Variants in MDM1 observed in about 807,000 individuals in gnomAD.
MDM1 encodes Mdm1 nuclear protein.
A neutral mutation model predicts 89.1 loss-of-function variants in MDM1; 61 were observed. The ratio of observed to expected loss-of-function variants is 0.68; its 90% confidence interval spans 0.56 to 0.85. The LOEUF is 0.85. Ranked by LOEUF, MDM1 falls within the 40% of genes least tolerant of loss-of-function variation. MDM1 has a pLI of 0.00. For synonymous variants in MDM1, 290 were observed against 294.1 expected (o/e 0.99, Z 0.14); for missense variants, 820 against 846.5 (o/e 0.97, Z 0.39).
At chr12:68,316,036 G>C in intron 9 of MDM1, 42 bp downstream of exon 9, 1 of 1,550,732 alleles carries the variant, frequency 6.4e-7, no homozygotes, top group African/African-American at 1.4e-5. Flanking sequence ...ATCTACATAA[G>C]CTTCAACAAA....
At chr12:68,327,314 T>C in intron 2 of MDM1, 3 of 1,460,870 alleles carry the variant, frequency 2.1e-6, no homozygotes, top group Non-Finnish European at 2.7e-6. Context: ...AATTGCAACG[T>C]GATAGACCTG....
chr12:68,326,664 T>C lies in MDM1; in HGVS notation c.491A>G (p.Asp164Gly), dbSNP rs1419277180. ...HSTKVLSENVDNGLDRLLRKK... is the reference protein window; with the variant it reads ...HSTKVLSENVGNGLDRLLRKK... ...TGCAGTGAATATGCCTACCCCATTATCTACATTTTCTGAAAGAACCTTGGT... is the reference window on the plus strand; with the variant it reads ...TGCAGTGAATATGCCTACCCCATTACCTACATTTTCTGAAAGAACCTTGGT... Residue 164 changes from aspartate to glycine, a missense_variant, in exon 3 of 15, where the codon GAT becomes GGT. Physicochemically the swap from Asp to Gly is moderately conservative, Grantham distance 94 (BLOSUM62 -1). Transcript: ENST00000682720. 1 of 1,614,188 alleles carries C rather than the reference T, an allele frequency of 6.2e-7. No homozygotes were observed. The highest frequency in any genetic ancestry group is 1.1e-5 in the South Asian group (1 of 91,078).
chr12:68,327,323 T>G, intron 2 of MDM1: 1 of 1,473,742 alleles, frequency 6.8e-7, no homozygotes, highest in Non-Finnish European at 9.0e-7. Context: ...GTGATAGACC[T>G]GGCAGGCCAG....
intron 12 of MDM1, among the ~76,000 whole-genome samples, chr12:68,312,577 C>T (rs1873838914): frequency 6.6e-6 from 1 of 152,180 alleles, no homozygotes; most frequent in Non-Finnish European, 1.5e-5. Context: ...TCTTGCTCTA[C>T]TACTACCTAT....
chr12:68,297,135 T>G (rs1294073417), intron 13 of MDM1, among the ~76,000 whole-genome samples, 153 bp from the exon 14 acceptor site: 1 of 152,300 alleles, frequency 6.6e-6, no homozygotes, highest in Admixed American at 6.5e-5. Flanking sequence ...ATGAAAAAGA[T>G]TTTATTAATT....
chr12:68,300,620 T>C (rs541974141), intron 13 of MDM1, among the ~76,000 whole-genome samples: 79 of 152,342 alleles, frequency 5.2e-4, no homozygotes, highest in African/African-American at 1.8e-3. Context: ...CAGTCAGTCC[T>C]ACATTTATAT....
chr12:68,304,260 A>T (rs192785529), intron 12 of MDM1, among the ~76,000 whole-genome samples: 1,881 of 152,208 alleles, frequency 0.012, 43 homozygotes, highest in African/African-American at 0.043. Context: ...TTAAAAAAAA[A>T]ATTAAATTAA....
chr12:68,305,963 AG>A (rs1555196611), intron 12 of MDM1, among the ~76,000 whole-genome samples: 1 of 151,138 alleles, frequency 6.6e-6, no homozygotes, highest in Non-Finnish European at 1.5e-5. Flanking sequence ...AAAAAAAAAA[AG>A]GAAAAAAAAA....
intron 14 of MDM1, among the ~76,000 whole-genome samples, chr12:68,295,598 T>C (rs1206642326): frequency 2.0e-5 from 3 of 152,190 alleles, no homozygotes; most frequent in Non-Finnish European, 4.4e-5. Flanking sequence ...TTAACATTTA[T>C]CGTTAAATTT....
chr12:68,326,843 TTGAG>T lies in MDM1; in HGVS notation c.308_311del (p.Thr103LysfsTer7). 6.2e-7 allele frequency: 1 copy of T among 1,613,992 alleles called. No homozygotes were observed. The highest frequency in any genetic ancestry group is 8.5e-7 in the Non-Finnish European group (1 of 1,179,876). On this transcript the variant is annotated frameshift_variant, in exon 3 of 15. Transcript: ENST00000682720. LOFTEE classifies it high-confidence loss of function. ...AAGCTTCTAGTGAGTGAACTCTTTC[TTGAG>T]TAACATCCTTTTGTTCTGCTTCTTG...
At chr12:68,332,153 G>A (rs535269260) in intron 1 of MDM1, 75 bp downstream of exon 1, 1 of 1,500,382 alleles carries the variant, frequency 6.7e-7, no homozygotes, top group Non-Finnish European at 9.0e-7. Flanking sequence ...GAAAAGCAGC[G>A]TGACCTCGGC....
chr12:68,322,638 A>C (rs1759813344), intron 5 of MDM1, among the ~76,000 whole-genome samples: 1 of 152,234 alleles, frequency 6.6e-6, no homozygotes, highest in African/African-American at 2.4e-5. Flanking sequence ...TGTCTCGAAA[A>C]AAATAAATAA....
In MDM1 at chr12:68,296,907, G is replaced by C. The variant is rs1871471971; in HGVS notation, c.2062+16C>G. The C allele has an allele frequency of 6.4e-7, 1 of 1,564,682 alleles. No homozygotes were observed. Among genetic ancestry groups the C allele is most frequent in the African/African-American group, 1.4e-5 (1 of 72,248 alleles). ...ACTAGAACTCAAACTTTTATGTTAT[G>C]TGACTACTGAAATACCTTCATCATT... On this transcript the variant is annotated intron_variant, in intron 14 of 14. Transcript: ENST00000682720.
chr12:68,323,713 G>A lies in MDM1; in HGVS notation c.634-473C>T, dbSNP rs532743738. ...TCTGAGCAATTACTACACTTCTATT[G>A]TTAAATATTTCCTTTTATACTTACT... On this transcript the variant is annotated intron_variant, in intron 4 of 14. Transcript: ENST00000682720. Among the ~76,000 whole-genome samples, 110 of 152,086 alleles carry A rather than the reference G, an allele frequency of 7.2e-4. 1 individual carries two copies. In the South Asian group the frequency reaches 0.017, roughly 23 times the overall value.
intron 2 of MDM1, chr12:68,327,558 A>G (rs1310240050): frequency 6.7e-7 from 1 of 1,482,350 alleles, no homozygotes; most frequent in Non-Finnish European, 9.1e-7. Context: ...CTAAGATACA[A>G]TTTCTCTATA....
chr12:68,326,396 T>C (rs1875981339), intron 3 of MDM1: 17 of 1,444,424 alleles, frequency 1.2e-5, no homozygotes, highest in Non-Finnish European at 1.5e-5. Flanking sequence ...TGCTAATATA[T>C]GATGAATAAA....
chr12:68,329,068 C>G (rs1273923548), intron 2 of MDM1, among the ~76,000 whole-genome samples: 3 of 152,214 alleles, frequency 2.0e-5, no homozygotes, highest in Non-Finnish European at 4.4e-5. Context: ...TTTCCAGTGT[C>G]ATAATAGCCC....
Position 68,295,191 on chromosome 12 carries a change from C to A in MDM1, c.*63G>T. 10 of 1,050,216 alleles carry A rather than the reference C, an allele frequency of 9.5e-6. No homozygotes were observed. Among genetic ancestry groups the A allele is most frequent in the African/African-American group, 1.6e-5 (1 of 61,696 alleles). The allele number at this position is 1,050,216 out of a possible 1,614,324, so 65.1% of individuals were successfully genotyped here. A position where few individuals can be genotyped will look rare whatever the true frequency, so the allele number is the denominator to read the frequency against. ...AAAAACTTCACTCAAAAAATTTTAA[C>A]ACAGTAAGCAATAAAGAAAAATTAT... is the stretch of plus-strand genomic sequence containing the variant. On this transcript the variant is annotated 3_prime_UTR_variant, in exon 15 of 15. Transcript: ENST00000682720.
chr12:68,295,813 T>C (rs904904705), intron 14 of MDM1, among the ~76,000 whole-genome samples: 1 of 152,218 alleles, frequency 6.6e-6, no homozygotes, highest in African/African-American at 2.4e-5. Context: ...TCTCACTAAA[T>C]GTAGAAATAA....
Sources: allele counts gnomAD v4.1 joint callset (sites outside exome capture counted in the v4.1 genomes callset), GRCh38; gene constraint gnomAD v4.1.1; transcripts MANE v1.5; gene names NCBI Gene and HGNC (gene_info 2026-07-23, HGNC 2026-07-21).